NPAS3: variants seen among roughly 807,000 people sequenced by gnomAD.
NPAS3 encodes neuronal PAS domain protein 3, also known as neuronal PAS domain-containing protein 3.
In NPAS3, 14 loss-of-function variants were observed where a neutral mutation model predicts 73.1. The ratio of observed to expected loss-of-function variants is 0.19; its 90% CI spans 0.13 to 0.30. The LOEUF is 0.30. Among genes scored for constraint, NPAS3 ranks in the 10% least tolerant of loss-of-function variants. The pLI, the probability that NPAS3 is intolerant of heterozygous loss-of-function variation, is 1.00. For missense variants in NPAS3, 1,096 were observed against 1,250.0 expected, an observed-to-expected ratio of 0.88 and a Z score of 1.86; for synonymous variants, 620 against 541.5, an observed-to-expected ratio of 1.14 and a Z score of -2.01.
At position 33,800,343 on chromosome 14, in the gene NPAS3, C is replaced by G; in HGVS notation, c.2036C>G (p.Pro679Arg). 1 of 1,613,000 alleles carries G rather than the reference C, an allele frequency of 6.2e-7. No individual in the cohort carries two copies. Among genetic ancestry groups the G allele is most frequent in the Non-Finnish European group, 8.5e-7 (1 of 1,179,508 alleles). ...CGGGAGATCTCCAGGAACGAGTCCC[C>G]CTACAGCATGACCAAGCCCCCCAGC... The change falls in exon 12 of 12, where the codon CCC becomes CGC. Residue 679 changes from proline to arginine, a missense_variant. This residue lies in a region of NPAS3 where 698 missense variants were observed against 676.7 expected (regional missense o/e 1.03). Coordinates refer to ENST00000356141, the Ensembl canonical transcript of NPAS3. The surrounding 1 kb of genome is among the most constrained non-coding windows in gnomAD (Gnocchi z 6.5).
chr14:33,481,295 T>C (rs1033604730), intron 4 of NPAS3, among the ~76,000 whole-genome samples: 3 of 152,198 alleles, frequency 2.0e-5, no homozygotes, highest in Admixed American at 6.5e-5. Flanking sequence ...CAAAGTATCT[T>C]CACAAGTTTA....
intron 5 of NPAS3, among the ~76,000 whole-genome samples, chr14:33,664,309 T>C (rs925117760): frequency 2.6e-5 from 4 of 152,184 alleles, no homozygotes; most frequent in Non-Finnish European, 4.4e-5. Context: ...GAAAACCGGC[T>C]AGCCATATGC....
chr14:33,407,150 A>T (rs1039219221), intron 4 of NPAS3, among the ~76,000 whole-genome samples: 1 of 152,138 alleles, frequency 6.6e-6, no homozygotes, highest in Non-Finnish European at 1.5e-5. Flanking sequence ...ATGCATTTAC[A>T]TGGTTTTTCT....
chr14:33,076,216 A>G (rs1218184736), intron 2 of NPAS3, among the ~76,000 whole-genome samples: 1 of 152,220 alleles, frequency 6.6e-6, no homozygotes, highest in African/African-American at 2.4e-5. Flanking sequence ...GAAAAAGGAC[A>G]GGAGGGTCGT....
intron 6 of NPAS3, among the ~76,000 whole-genome samples, chr14:33,702,393 A>G (rs1475491895): frequency 5.3e-5 from 8 of 152,246 alleles, no homozygotes; most frequent in Non-Finnish European, 1.2e-4. Context: ...AAAGAACTCA[A>G]AACCAATTTC....
chr14:33,342,510 G>A (rs2044533837), intron 3 of NPAS3, among the ~76,000 whole-genome samples: 1 of 152,196 alleles, frequency 6.6e-6, no homozygotes, highest in Admixed American at 6.5e-5. Flanking sequence ...TTTCCACATG[G>A]CAACCTGCTG....
intron 5 of NPAS3, among the ~76,000 whole-genome samples, chr14:33,666,506 C>T (rs2059454187): frequency 6.6e-6 from 1 of 152,216 alleles, no homozygotes; most frequent in South Asian, 2.1e-4. Context: ...TTGGCCCCTA[C>T]CCCAGATCTC....
At chr14:33,606,921 A>C (rs990514310) in intron 5 of NPAS3, among the ~76,000 whole-genome samples, 1 of 152,210 alleles carries the variant, frequency 6.6e-6, no homozygotes, top group African/African-American at 2.4e-5. Flanking sequence ...AAATATTTGA[A>C]TAACCATTTC....
intron 4 of NPAS3, among the ~76,000 whole-genome samples, chr14:33,543,894 T>C (rs1168527978): frequency 2.4e-5 from 3 of 122,636 alleles, no homozygotes; most frequent in East Asian, 2.3e-4. Flanking sequence ...TGAATTTCAG[T>C]TCCCAGCTGT....
In NPAS3 at chr14:33,301,322, ATTTTTTTTT is replaced by A. The variant is rs56242001; in HGVS notation, c.386-65860_386-65852del. Among the ~76,000 whole-genome samples the A allele has an allele frequency of 2.6e-4, 26 of 99,692 alleles. 3 individuals are homozygous for A. Among genetic ancestry groups the A allele is most frequent in the African/African-American group, 1.0e-3 (24 of 23,294 alleles). 65.4% of individuals were successfully genotyped at this position (99,692 alleles called of 152,430 possible). On this transcript the variant is annotated intron_variant, in intron 3 of 11. Coordinates refer to ENST00000356141, the Ensembl canonical transcript of NPAS3. Reference sequence around the variant, plus strand: ...GTTTTATCATTATATATATATATATATTTTTTTTTTTTAAATCTAGCTGTAATGGGTTAT... The same window carrying A: ...GTTTTATCATTATATATATATATATATTTAAATCTAGCTGTAATGGGTTAT...
intron 2 of NPAS3, among the ~76,000 whole-genome samples, chr14:33,099,893 C>T (rs891541053): frequency 3.9e-5 from 6 of 152,018 alleles, no homozygotes; most frequent in Non-Finnish European, 8.8e-5. Context: ...ACACTGGTGT[C>T]CAAATTGAAA....
intron 3 of NPAS3, among the ~76,000 whole-genome samples, chr14:33,234,893 T>C (rs1460091888): frequency 3.9e-5 from 6 of 152,134 alleles, no homozygotes; most frequent in Non-Finnish European, 7.4e-5. Flanking sequence ...ATAAGAGATT[T>C]TGCTCATGAC....
intron 7 of NPAS3, among the ~76,000 whole-genome samples, chr14:33,752,732 G>A (rs900311012): frequency 3.3e-5 from 5 of 152,128 alleles, no homozygotes; most frequent in Admixed American, 1.3e-4. Flanking sequence ...GCCCTTCTCC[G>A]TCAAGGAAAA....
chr14:33,227,758 A>G (rs2047688538), intron 3 of NPAS3, among the ~76,000 whole-genome samples: 1 of 152,232 alleles, frequency 6.6e-6, no homozygotes, highest in Admixed American at 6.5e-5. Flanking sequence ...ACAAACATTC[A>G]GTTCATAACA....
chr14:33,395,226 TCAG>T (rs2047171018), intron 4 of NPAS3, among the ~76,000 whole-genome samples: 1 of 152,152 alleles, frequency 6.6e-6, no homozygotes, highest in Non-Finnish European at 1.5e-5. Flanking sequence ...CATTTCGTAA[TCAG>T]CAGATACTTT....
chr14:33,246,688 C>A (rs944381057), intron 3 of NPAS3, among the ~76,000 whole-genome samples: 26 of 151,242 alleles, frequency 1.7e-4, no homozygotes, highest in African/African-American at 5.3e-4. Flanking sequence ...CTAATCTAAG[C>A]TTTCCTAATG....
At chr14:33,212,939 A>G (rs1414492323) in intron 2 of NPAS3, among the ~76,000 whole-genome samples, 1 of 152,214 alleles carries the variant, frequency 6.6e-6, no homozygotes, top group Non-Finnish European at 1.5e-5. Flanking sequence ...TCCATGTTTG[A>G]CTATGACATG....
chr14:33,237,905 ATATT>A (rs1223670489), intron 3 of NPAS3, among the ~76,000 whole-genome samples: 1 of 151,652 alleles, frequency 6.6e-6, no homozygotes, highest in Non-Finnish European at 1.5e-5. Flanking sequence ...TATTTACAAT[ATATT>A]TATATATATT....
chr14:33,001,605 C>A (rs1449851560), intron 1 of NPAS3, among the ~76,000 whole-genome samples: 1 of 152,062 alleles, frequency 6.6e-6, no homozygotes, highest in Non-Finnish European at 1.5e-5. Flanking sequence ...TCTTGTATTA[C>A]CTTAGCACGT....
Sources: allele counts gnomAD v4.1 joint callset (sites outside exome capture counted in the v4.1 genomes callset), GRCh38; gene constraint gnomAD v4.1.1; regional missense constraint gnomAD v4.1.1; non-coding constraint Gnocchi (gnomAD v3.1); transcripts MANE v1.5; gene names NCBI Gene and HGNC (gene_info 2026-07-23, HGNC 2026-07-21).